The following PPFIBP1 variants were observed in gnomAD, a reference collection of about 807,000 sequenced individuals.
The protein encoded by PPFIBP1 is liprin-beta-1.
In PPFIBP1, 112 loss-of-function variants were observed where a neutral mutation model predicts 137.8. The observed-to-expected ratio is 0.81, with a 90% confidence interval of 0.70 to 0.95. The LOEUF (loss-of-function observed/expected upper bound fraction) is 0.95. PPFIBP1 is among the 40% of genes least tolerant of loss of function. The pLI is 0.00. For missense variants in PPFIBP1, 1,083 were observed against 1,196.6 expected, an observed-to-expected ratio of 0.91 and a Z score of 1.40; for synonymous variants, 378 against 417.3, an observed-to-expected ratio of 0.91 and a Z score of 1.15.
chr12:27,590,751 T>C (rs2052405249), intron 2 of PPFIBP1, among the ~76,000 whole-genome samples: 1 of 152,164 alleles, frequency 6.6e-6, no homozygotes, highest in South Asian at 2.1e-4. Flanking sequence ...TGGTTTTGTG[T>C]ATTGGCCCCA....
At chr12:27,616,606 C>G (rs939951286) in intron 2 of PPFIBP1, among the ~76,000 whole-genome samples, 1 of 152,034 alleles carries the variant, frequency 6.6e-6, no homozygotes, top group African/African-American at 2.4e-5. Context: ...CTTAGTTTAG[C>G]AGAACGAAAC....
chr12:27,666,478 G>C (rs1002670534), intron 12 of PPFIBP1, among the ~76,000 whole-genome samples: 12 of 152,228 alleles, frequency 7.9e-5, no homozygotes, highest in African/African-American at 2.9e-4. Context: ...TTGTAGATTA[G>C]CGTGTTAAGT....
chr12:27,674,982 T>G (rs1395734377), intron 17 of PPFIBP1, among the ~76,000 whole-genome samples: 2 of 151,544 alleles, frequency 1.3e-5, no homozygotes, highest in Non-Finnish European at 2.9e-5. Flanking sequence ...TCGGCTGTTT[T>G]TTTTTTTCGT....
At chr12:27,621,861 G>A (rs1401582158) in intron 2 of PPFIBP1, among the ~76,000 whole-genome samples, 1 of 152,146 alleles carries the variant, frequency 6.6e-6, no homozygotes, top group Non-Finnish European at 1.5e-5. Flanking sequence ...TTGACCATGT[G>A]ACAAACTGAA....
intron 8 of PPFIBP1, among the ~76,000 whole-genome samples, chr12:27,656,337 G>A (rs1015215258): frequency 3.9e-5 from 6 of 152,060 alleles, no homozygotes; most frequent in Non-Finnish European, 8.8e-5. Context: ...AAACCTTAGG[G>A]CTATCCCATC....
chr12:27,561,572 C>A (rs942720370), intron 1 of PPFIBP1, among the ~76,000 whole-genome samples: 4 of 152,070 alleles, frequency 2.6e-5, no homozygotes, highest in African/African-American at 7.2e-5. Flanking sequence ...GTCTCTTTTC[C>A]CTCAAAAGGA....
chr12:27,531,242 A>G (rs755500355), intron 1 of PPFIBP1, among the ~76,000 whole-genome samples: 1 of 152,150 alleles, frequency 6.6e-6, no homozygotes, highest in Admixed American at 6.5e-5. Context: ...ATAAAATGGT[A>G]GCTCTGATAT....
At chr12:27,585,444 C>T (rs1231738626) in intron 2 of PPFIBP1, among the ~76,000 whole-genome samples, 1 of 152,192 alleles carries the variant, frequency 6.6e-6, no homozygotes, top group African/African-American at 2.4e-5. Flanking sequence ...GTTAGGTTTT[C>T]TGAAAGGAAA....
intron 24 of PPFIBP1, among the ~76,000 whole-genome samples, chr12:27,682,957 C>A (rs2060966621): frequency 1.3e-5 from 2 of 152,124 alleles, no homozygotes; most frequent in Non-Finnish European, 2.9e-5. Flanking sequence ...ACTAAGCTCT[C>A]CAGAAGGTTG....
chr12:27,565,752 C>T (rs2049593950), intron 1 of PPFIBP1, among the ~76,000 whole-genome samples: 1 of 152,192 alleles, frequency 6.6e-6, no homozygotes, highest in Admixed American at 6.5e-5. Context: ...TTAACACCTA[C>T]AGTCGTTTGT....
chr12:27,680,601 C>T (rs76012780), intron 21 of PPFIBP1, among the ~76,000 whole-genome samples: 6,973 of 152,154 alleles, frequency 0.046, 516 homozygotes, highest in African/African-American at 0.16. Flanking sequence ...GAAACATTAG[C>T]ATGTAACAGA....
At chr12:27,642,895 A>G (rs1249197082) in intron 4 of PPFIBP1, among the ~76,000 whole-genome samples, 12 of 152,126 alleles carry the variant, frequency 7.9e-5, no homozygotes, top group African/African-American at 2.7e-4. Context: ...GTTAAGAATC[A>G]GTTCTCCCAA....
At chr12:27,673,937 G>T in intron 16 of PPFIBP1, 110 bp downstream of exon 16, 1 of 949,032 alleles carries the variant, frequency 1.1e-6, no homozygotes, top group East Asian at 2.5e-5. Flanking sequence ...AGAGCTTGTG[G>T]TTTTTAGTGG....
intron 2 of PPFIBP1, among the ~76,000 whole-genome samples, chr12:27,612,328 G>GGTTTTTTT (rs2055209768): frequency 2.3e-5 from 2 of 87,234 alleles, no homozygotes; most frequent in Admixed American, 2.6e-4. Context: ...CTTTATTGGT[G>GGTTTTTTT]TTTTTTTTTT....
At chr12:27,588,411 T>C (rs550202408) in intron 2 of PPFIBP1, among the ~76,000 whole-genome samples, 2 of 152,326 alleles carry the variant, frequency 1.3e-5, no homozygotes, top group African/African-American at 2.4e-5. Flanking sequence ...CTAAAGTCAT[T>C]TTACTGAAGA....
chr12:27,570,022 G>C (rs10431269), intron 1 of PPFIBP1, among the ~76,000 whole-genome samples: 99,978 of 151,984 alleles, frequency 0.66, 33,454 homozygotes, highest in African/African-American at 0.78. Flanking sequence ...TTTCCAATTA[G>C]TTATTGTTAT....
At chr12:27,630,435 C>T (rs918488352) in intron 2 of PPFIBP1, among the ~76,000 whole-genome samples, 10 of 151,918 alleles carry the variant, frequency 6.6e-5, no homozygotes, top group Non-Finnish European at 1.0e-4. Context: ...TAAATAAACC[C>T]GCTCCTGCTT....
Position 27,664,437 on chromosome 12 carries a change from G to C in PPFIBP1, c.982G>C (p.Gly328Arg). The C allele has an allele frequency of 1.2e-6, 2 of 1,608,992 alleles. No homozygotes were observed. The highest frequency in any genetic ancestry group is 3.4e-5 in the Admixed American group (2 of 59,680). ...GCAAGACACGGTGGTACTGGCCCAA[G>C]GTAAAAAAGGTAGAGTGTAGCTCTA... is the stretch of plus-strand genomic sequence containing the variant. ...KMQDTVVLAQGKKGKDGEYEE... is the reference protein window; with the variant it reads ...KMQDTVVLAQRKKGKDGEYEE... Residue 328 changes from glycine to arginine, a missense_variant, in exon 12 of 30, where the codon GGT (glycine) becomes CGT (arginine). Coordinates refer to ENST00000228425, the MANE Select transcript of PPFIBP1 (RefSeq NM_003622.4).
At chr12:27,650,266 A>G (rs1202781231) in intron 7 of PPFIBP1, 125 bp downstream of exon 7, 4 of 648,456 alleles carry the variant, frequency 6.2e-6, no homozygotes, top group Non-Finnish European at 9.5e-6. Flanking sequence ...GCAGTTAATT[A>G]CTACGTACCA....
Sources: gnomAD v4.1 joint callset for allele counts (sites outside exome capture counted in the v4.1 genomes callset) on GRCh38, gnomAD v4.1.1 for gene constraint, MANE v1.5 for transcripts, NCBI Gene and HGNC (gene_info 2026-07-23, HGNC 2026-07-21) for gene names.